Variants in RCAN2 observed in about 807,000 individuals in gnomAD.
RCAN2 encodes the protein regulator of calcineurin 2, also known as calcipressin-2.
Under a neutral mutation model 23.6 loss-of-function variants are expected in RCAN2, and 9 were observed. The observed-to-expected ratio is 0.38, with a 90% CI of 0.23 to 0.67. RCAN2 has a LOEUF of 0.67. RCAN2 is among the 30% of genes least tolerant of loss of function. The probability of loss-of-function intolerance (pLI) is 0.51; values close to 1 mark genes in which losing one functional copy is unlikely to be tolerated. For synonymous variants in RCAN2, 109 were observed against 115.7 expected, an observed-to-expected ratio of 0.94 and a Z score of 0.37; for missense variants, 273 against 302.3, an observed-to-expected ratio of 0.90 and a Z score of 0.72.
intron 2 of RCAN2, among the ~76,000 whole-genome samples, chr6:46,363,300 T>C (rs559209908): frequency 6.6e-6 from 1 of 152,304 alleles, no homozygotes; most frequent in South Asian, 2.1e-4. Flanking sequence ...ATGTGCATAG[T>C]ATAATTTAGC....
At chr6:46,380,917 A>C (rs1765601770) in intron 2 of RCAN2, among the ~76,000 whole-genome samples, 1 of 152,248 alleles carries the variant, frequency 6.6e-6, no homozygotes, top group African/African-American at 2.4e-5. Context: ...ACAAAAGTTA[A>C]TCAGCAGATC....
intron 1 of RCAN2, among the ~76,000 whole-genome samples, chr6:46,478,752 A>T (rs1016724355): frequency 6.6e-6 from 1 of 152,220 alleles, no homozygotes; most frequent in Non-Finnish European, 1.5e-5. Flanking sequence ...TTCTTTACTC[A>T]AAAGTAACTA....
At chr6:46,264,272 A>T (rs1404192352) in intron 2 of RCAN2, among the ~76,000 whole-genome samples, 11 of 152,228 alleles carry the variant, frequency 7.2e-5, no homozygotes, top group Admixed American at 3.9e-4. Context: ...AGGCGATTTA[A>T]AATTTAATCC....
At chr6:46,392,201 T>C (rs534757325) in intron 2 of RCAN2, among the ~76,000 whole-genome samples, 1 of 152,262 alleles carries the variant, frequency 6.6e-6, no homozygotes, top group African/African-American at 2.4e-5. Context: ...AGCCCATCTT[T>C]AGTTTTAGGG....
chr6:46,424,886 G>A (rs1766991885), intron 2 of RCAN2, among the ~76,000 whole-genome samples: 1 of 152,156 alleles, frequency 6.6e-6, no homozygotes, highest in Non-Finnish European at 1.5e-5. Flanking sequence ...AATGCATATT[G>A]GGGGCGTGCT....
Position 46,405,726 on chromosome 6 carries a change from T to A in RCAN2, c.225+51026A>T, listed in dbSNP as rs553598905. 7.9e-5 allele frequency among the ~76,000 whole-genome samples: 12 copies of A among 152,284 alleles called. No individual in the cohort carries two copies. In the South Asian group the frequency reaches 2.5e-3, roughly 32 times the overall value. The stretch of plus-strand genomic sequence containing the variant: ...CACCTAGTAGATCTCGCACCGGGGC[T>A]GCAGGTGGAGCTGCCTGCCAGTCCC... On this transcript the variant is annotated intron_variant, in intron 2 of 4. Transcript: ENST00000371374.
At chr6:46,352,559 G>A (rs1343025050) in intron 2 of RCAN2, among the ~76,000 whole-genome samples, 1 of 152,136 alleles carries the variant, frequency 6.6e-6, no homozygotes, top group Admixed American at 6.6e-5. Flanking sequence ...GAGCCTTGCT[G>A]GGCTCCTGTA....
intron 2 of RCAN2, among the ~76,000 whole-genome samples, chr6:46,289,624 A>C (rs542198172): frequency 6.6e-6 from 1 of 152,360 alleles, no homozygotes; most frequent in Non-Finnish European, 1.5e-5. Context: ...ATCTAAGTTT[A>C]GGAAGAGTAG....
chr6:46,456,684 A>G, intron 2 of RCAN2, 68 bp downstream of exon 2: 1 of 1,200,320 alleles, frequency 8.3e-7, no homozygotes, highest in Non-Finnish European at 1.2e-6. Context: ...ACCACAAATG[A>G]ACAACAGGAT....
chr6:46,374,999 C>T (rs143448307), intron 2 of RCAN2, among the ~76,000 whole-genome samples: 3,728 of 152,216 alleles, frequency 0.024, 136 homozygotes, highest in African/African-American at 0.084. Flanking sequence ...CTCTGCCTCC[C>T]GGGTTCAAGC....
chr6:46,367,606 T>G (rs1765211658), intron 2 of RCAN2, among the ~76,000 whole-genome samples: 1 of 152,204 alleles, frequency 6.6e-6, no homozygotes, highest in East Asian at 1.9e-4. Flanking sequence ...TTATTTTCTT[T>G]TTCAGACTGC....
rs1763562167 is a variant in RCAN2 at position 46,320,059 on chromosome 6, A to G, written c.226-71163T>C. ...TACCATGAATACCTCTAGAGGGTTT[A>G]CCATTTCTGAGGATTAAATCATATA... On this transcript the variant is annotated intron_variant, in intron 2 of 4. Transcript: ENST00000371374. 2.6e-5 allele frequency among the ~76,000 whole-genome samples: 4 copies of G among 152,104 alleles called. No homozygotes were observed. In the South Asian group the frequency reaches 8.3e-4, roughly 32 times the overall value.
chr6:46,439,030 T>G (rs1297537471), intron 2 of RCAN2, among the ~76,000 whole-genome samples: 1 of 152,218 alleles, frequency 6.6e-6, no homozygotes, highest in African/African-American at 2.4e-5. Context: ...CTTTCAGGGT[T>G]ATGTTCATTA....
In RCAN2 at chr6:46,257,282, G is replaced by A. The variant is rs533183830; in HGVS notation, c.226-8386C>T. ...TTAACTCTAAATCAGACAGGTGGCA[G>A]ACAAATCATAACTTCTAAAATATTA... On this transcript the variant is annotated intron_variant, in intron 2 of 4. Transcript: ENST00000371374. 7.2e-5 allele frequency among the ~76,000 whole-genome samples: 11 copies of A among 152,260 alleles called. No individual in the cohort carries two copies. The South Asian group carries it at 2.1e-3, about 29-fold the overall frequency.
chr6:46,482,833 T>C (rs1402196825), intron 1 of RCAN2, among the ~76,000 whole-genome samples: 3 of 152,230 alleles, frequency 2.0e-5, no homozygotes, highest in African/African-American at 4.8e-5. Flanking sequence ...GTTTAATCTT[T>C]ATCACCCAAG....
chr6:46,416,792 G>A (rs1223480953), intron 2 of RCAN2, among the ~76,000 whole-genome samples: 1 of 152,086 alleles, frequency 6.6e-6, no homozygotes, highest in African/African-American at 2.4e-5. Context: ...AAAGGGCTGG[G>A]ATTACAGGCA....
chr6:46,247,710 C>T (rs2150317699), intron 3 of RCAN2, among the ~76,000 whole-genome samples: 1 of 152,304 alleles, frequency 6.6e-6, no homozygotes. Context: ...GAATAATATT[C>T]CATCATATGG....
chr6:46,361,359 A>G (rs1183279149), intron 2 of RCAN2, among the ~76,000 whole-genome samples: 3 of 152,210 alleles, frequency 2.0e-5, no homozygotes, highest in Non-Finnish European at 4.4e-5. Flanking sequence ...CCCAGGCCAC[A>G]CTGGGCTTCC....
chr6:46,362,748 C>T lies in RCAN2; in HGVS notation c.225+94004G>A, dbSNP rs58753268. ...ATGATCACAGAGAGAAGACAAGTTA[C>T]TTTGCAGCAATTCCTTCATATGCAT... is the stretch of plus-strand genomic sequence containing the variant. On this transcript the variant is annotated intron_variant, in intron 2 of 4. Coordinates refer to ENST00000371374, the MANE Select transcript of RCAN2 (RefSeq NM_001251974.2). Among the ~76,000 whole-genome samples the T allele has an allele frequency of 6.6e-3, 1,001 of 152,236 alleles. 8 individuals are homozygous for T. The highest frequency in any genetic ancestry group is 0.022 in the African/African-American group (922 of 41,538).
Sources: gnomAD v4.1 joint callset for allele counts (sites outside exome capture counted in the v4.1 genomes callset) on GRCh38, gnomAD v4.1.1 for gene constraint, MANE v1.5 for transcripts, NCBI Gene and HGNC (gene_info 2026-07-23, HGNC 2026-07-21) for gene names.